Variants in ANK3 observed in about 807,000 individuals in gnomAD.
ANK3 encodes the protein ankyrin-3.
Under a neutral mutation model 370.9 loss-of-function variants are expected in ANK3, and 57 were observed. The ratio of observed to expected loss-of-function variants is 0.15; its 90% CI spans 0.12 to 0.19. The LOEUF (loss-of-function observed/expected upper bound fraction) is 0.19, where lower values mean the gene tolerates loss of function less well. Ranked by LOEUF, ANK3 falls within the 10% of genes least tolerant of loss-of-function variation. ANK3 has a pLI of 1.00. For missense variants in ANK3, 4,439 were observed against 5,302.1 expected (o/e 0.84, Z 5.06); for synonymous variants, 1,929 against 1,946.3 (o/e 0.99, Z 0.23).
chr10:60,550,492 AAC>A (rs1223442402), intron 2 of ANK3, among the ~76,000 whole-genome samples: 1 of 152,032 alleles, frequency 6.6e-6, no homozygotes, highest in African/African-American at 2.4e-5. Context: ...AAAAGTCTAA[AAC>A]ACTAAAAAGA....
chr10:60,647,838 GAAAC>G (rs983789254), intron 1 of ANK3, among the ~76,000 whole-genome samples: 4 of 143,000 alleles, frequency 2.8e-5, no homozygotes, highest in Non-Finnish European at 4.5e-5. Context: ...TTTCAAGACA[GAAAC>G]AAAATTTGCC....
rs375546464 is a variant in ANK3 at position 60,082,092 on chromosome 10, T to C, written c.4350+58A>G. The C allele has an allele frequency of 1.9e-5, 27 of 1,433,266 alleles. No homozygotes were observed. In the African/African-American group the frequency reaches 2.8e-4, roughly 15 times the overall value. 88.8% of individuals were successfully genotyped at this position (1,433,266 alleles called of 1,614,324 possible). On this transcript the variant is annotated intron_variant, in intron 35 of 43. Coordinates refer to ENST00000280772, the MANE Select transcript of ANK3 (RefSeq NM_020987.5). ...CTTTAGCCCTCTGCAACTTCTGTCA[T>C]ACAGATTCAATTTCTATTCTACTTC...
intron 2 of ANK3, among the ~76,000 whole-genome samples, chr10:60,421,318 A>G (rs1028817596): frequency 1.3e-5 from 2 of 152,100 alleles, no homozygotes; most frequent in African/African-American, 4.8e-5. Flanking sequence ...AATAGTTTAA[A>G]TGGCAAATTT....
At position 60,070,279 on chromosome 10, in the gene ANK3, T is replaced by C. The variant is rs762320664; in HGVS notation, c.10602A>G (p.Thr3534=). 1 of 1,614,138 alleles carries C rather than the reference T, an allele frequency of 6.2e-7. No homozygotes were observed. The highest frequency in any genetic ancestry group is 8.5e-7 in the Non-Finnish European group (1 of 1,180,008). Residue 3534 remains threonine, a synonymous_variant, in exon 37 of 44, where the codon ACA becomes ACG. Coordinates refer to ENST00000280772, the MANE Select transcript of ANK3 (RefSeq NM_020987.5). This position sits in a 1 kb window ranked among gnomAD's most constrained non-coding sequence, Gnocchi z 5.7. ...CAAAATCTAGACCTTTGGTAGCTAC[T>C]GTTTTAAAAGGAGTGGCAAATTCTT... ...VDEEFATPFK[T]VATKGLDFDP...
At chr10:60,615,245 A>G in intron 1 of ANK3, 1 of 1,502,160 alleles carries the variant, frequency 6.7e-7, no homozygotes, top group African/African-American at 1.4e-5. Flanking sequence ...AAAGAAACAA[A>G]CATTTAGCAA....
chr10:60,382,730 A>T (rs1274976377), intron 1 of ANK3, among the ~76,000 whole-genome samples: 1 of 150,786 alleles, frequency 6.6e-6, no homozygotes, highest in East Asian at 1.9e-4. Context: ...TAAAATTTGA[A>T]TTATGTGACT....
chr10:60,443,691 A>G (rs1006028766), intron 2 of ANK3, among the ~76,000 whole-genome samples: 12 of 152,224 alleles, frequency 7.9e-5, no homozygotes, highest in African/African-American at 2.9e-4. Context: ...AGAGTACCCC[A>G]GTGTGATACT....
At chr10:60,215,204 G>A (rs2096918078) in intron 8 of ANK3, among the ~76,000 whole-genome samples, 1 of 151,786 alleles carries the variant, frequency 6.6e-6, no homozygotes, top group Admixed American at 6.6e-5. Flanking sequence ...CTTTTTGATG[G>A]GGTTGTTTTT....
At chr10:60,608,851 A>G (rs1464464643) in intron 2 of ANK3, among the ~76,000 whole-genome samples, 1 of 152,222 alleles carries the variant, frequency 6.6e-6, no homozygotes, top group East Asian at 1.9e-4. Flanking sequence ...CATGTGAGTC[A>G]GGGAGATGGG....
rs147346021 is a variant in ANK3, at chr10:60,699,628, T to G, written c.57+33635A>C. Among the ~76,000 whole-genome samples the G allele has an allele frequency of 2.0e-4, 31 of 152,062 alleles. No homozygotes were observed. The East Asian group carries it at 5.6e-3, about 27-fold the overall frequency. On this transcript the variant is annotated intron_variant, in intron 1 of 43. Transcript: ENST00000373827. ...CCAAGAAGCATAATATAATGATCAATTTTTTAAAATTAGTATAAAAATATA... is the reference window on the plus strand; with the variant it reads ...CCAAGAAGCATAATATAATGATCAAGTTTTTAAAATTAGTATAAAAATATA...
At chr10:60,676,920 T>C in intron 1 of ANK3, among the ~76,000 whole-genome samples, 1 of 152,198 alleles carries the variant, frequency 6.6e-6, no homozygotes, top group East Asian at 1.9e-4. Context: ...AAAGAAATGA[T>C]AAATGCTTGT....
At chr10:60,422,204 C>T (rs919092228) in intron 2 of ANK3, among the ~76,000 whole-genome samples, 2 of 151,982 alleles carry the variant, frequency 1.3e-5, no homozygotes, top group African/African-American at 4.8e-5. Context: ...CATTAATTAT[C>T]CTTGGCTAAG....
chr10:60,484,780 T>C (rs114391237), intron 2 of ANK3, among the ~76,000 whole-genome samples: 2,298 of 152,308 alleles, frequency 0.015, 58 homozygotes, highest in African/African-American at 0.052. Context: ...TTCCCATTCC[T>C]GACTCAAAGT....
chr10:60,446,189 G>T (rs530759004), intron 2 of ANK3, among the ~76,000 whole-genome samples: 1 of 152,084 alleles, frequency 6.6e-6, no homozygotes, highest in Non-Finnish European at 1.5e-5. Flanking sequence ...CCACGAAGAG[G>T]TATATTTTAA....
chr10:60,500,979 T>C (rs2075781109), intron 2 of ANK3, among the ~76,000 whole-genome samples: 1 of 152,138 alleles, frequency 6.6e-6, no homozygotes, highest in Non-Finnish European at 1.5e-5. Context: ...GCAAACCATA[T>C]AAATATTCTG....
At chr10:60,715,424 C>T (rs1014462723) in intron 1 of ANK3, among the ~76,000 whole-genome samples, 4 of 152,022 alleles carry the variant, frequency 2.6e-5, no homozygotes, top group African/African-American at 9.7e-5. Flanking sequence ...CACATAATAT[C>T]TGGTGGTGGG....
chr10:60,311,689 G>A (rs2046389236), intron 1 of ANK3, among the ~76,000 whole-genome samples: 1 of 151,992 alleles, frequency 6.6e-6, no homozygotes, highest in Admixed American at 6.6e-5. Context: ...CCTCCTAAAG[G>A]CAATTGTATT....
intron 28 of ANK3, among the ~76,000 whole-genome samples, chr10:60,093,881 A>C (rs2089397065): frequency 6.6e-6 from 1 of 152,186 alleles, no homozygotes; most frequent in African/African-American, 2.4e-5. Flanking sequence ...ATATTTTATA[A>C]TTTCCCAGCA....
At chr10:60,529,772 C>A in intron 2 of ANK3, among the ~76,000 whole-genome samples, 1 of 152,166 alleles carries the variant, frequency 6.6e-6, no homozygotes, top group Middle Eastern at 3.2e-3. Context: ...ATTACATTAA[C>A]ACCATCTATA....
Sources: gnomAD v4.1 joint callset for allele counts (sites outside exome capture counted in the v4.1 genomes callset) on GRCh38, gnomAD v4.1.1 for gene constraint, Gnocchi (gnomAD v3.1) non-coding constraint, MANE v1.5 for transcripts, NCBI Gene and HGNC (gene_info 2026-07-23, HGNC 2026-07-21) for gene names.